LRR1: variants seen among roughly 807,000 people sequenced by gnomAD.
LRR1 encodes the protein leucine-rich repeat protein 1.
A neutral mutation model predicts 31.6 loss-of-function variants in LRR1; 29 were observed. The observed-to-expected ratio is 0.92, with a 90% CI of 0.68 to 1.25. The LOEUF is 1.25. Ranked by LOEUF, LRR1 falls within the 50% of genes most tolerant of loss-of-function variation. The pLI is 0.00. For missense variants in LRR1, 485 were observed against 487.2 expected, an observed-to-expected ratio of 1.00 and a Z score of 0.04; for synonymous variants, 179 against 181.4, an observed-to-expected ratio of 0.99 and a Z score of 0.10.
intron 1 of LRR1, among the ~76,000 whole-genome samples, chr14:49,602,063 G>C (rs1237119373): frequency 1.3e-5 from 2 of 151,190 alleles, no homozygotes; most frequent in Non-Finnish European, 2.9e-5. Context: ...AACCTGGGAA[G>C]TGGAGGTTGC....
intron 2 of LRR1, among the ~76,000 whole-genome samples, chr14:49,604,516 A>G (rs1473188522): frequency 6.6e-6 from 1 of 151,994 alleles, no homozygotes; most frequent in African/African-American, 2.4e-5. Context: ...CCTGGGTGAC[A>G]TGGTGAAACC....
intron 3 of LRR1, among the ~76,000 whole-genome samples, chr14:49,612,946 T>C (rs893801046): frequency 6.6e-6 from 1 of 152,134 alleles, no homozygotes; most frequent in Non-Finnish European, 1.5e-5. Flanking sequence ...TTGCCTGTAA[T>C]CTCAGCACTT....
rs772504345 is a variant in LRR1 at position 49,608,031 on chromosome 14, C to T, written c.914C>T (p.Thr305Ile). Residue 305 changes from threonine to isoleucine, a missense_variant, in exon 3 of 4, where the codon ACT becomes ATT. Physicochemically the swap from Thr to Ile is moderately conservative, Grantham distance 89. Transcript: ENST00000298288. ...SLEYLDLFGN[T>I]FEQPKVLPVI... ...GAATACTTGGATCTTTTTGGAAATACTTTTGAACAACCAAAAGTCCTTCCA... is the reference window on the plus strand; with the variant it reads ...GAATACTTGGATCTTTTTGGAAATATTTTTGAACAACCAAAAGTCCTTCCA... 1.9e-6 allele frequency: 3 copies of T among 1,613,122 alleles called. No homozygotes were observed. The highest frequency in any genetic ancestry group is 2.5e-6 in the Non-Finnish European group (3 of 1,179,750).
At chr14:49,603,510 CT>C (rs1566492772) in intron 2 of LRR1, 1 of 320,920 alleles carries the variant, frequency 3.1e-6, no homozygotes. Context: ...TGTAATCATT[CT>C]TTCTTCTTCT....
intron 2 of LRR1, among the ~76,000 whole-genome samples, chr14:49,605,551 T>C (rs1882248819): frequency 6.6e-6 from 1 of 152,244 alleles, no homozygotes; most frequent in Non-Finnish European, 1.5e-5. Flanking sequence ...TTTTGCACTC[T>C]GTAGAATTTG....
chr14:49,612,455 C>T, intron 3 of LRR1: 1 of 1,211,924 alleles, frequency 8.3e-7, no homozygotes, highest in African/African-American at 1.6e-5. Flanking sequence ...TAACTGTTGT[C>T]TGTTTCCTCA....
At chr14:49,599,997 G>T (rs1283318552) in intron 1 of LRR1, 1 of 1,604,702 alleles carries the variant, frequency 6.2e-7, no homozygotes, top group Non-Finnish European at 8.5e-7. Context: ...CAGCATCATG[G>T]CTCACGGGCC....
At chr14:49,602,562 A>G in intron 2 of LRR1, 94 bp downstream of exon 2, 4 of 1,051,950 alleles carry the variant, frequency 3.8e-6, no homozygotes, top group Non-Finnish European at 5.7e-6. Flanking sequence ...GCTGAAGTAC[A>G]GAGGCATAGT....
At chr14:49,602,249 G>A (rs71420142) in intron 1 of LRR1, 121 bp from the exon 2 acceptor site, 2 of 601,334 alleles carry the variant, frequency 3.3e-6, no homozygotes, top group East Asian at 8.3e-5. Context: ...AAAACACTCA[G>A]ACTCAAGGAC....
In LRR1 at chr14:49,612,482, C is replaced by T. The variant is rs1417399246; in HGVS notation, c.1005-1774C>T. On this transcript the variant is annotated intron_variant, in intron 3 of 3. Coordinates refer to ENST00000298288, the MANE Select transcript of LRR1 (RefSeq NM_152329.4). ...GTTTCCTCAATCTAGAACCATCTAT[C>T]CGAAAGAGATTAATGTAAACATGTG... 10 of 1,259,866 alleles carry T rather than the reference C, an allele frequency of 7.9e-6. No homozygotes were observed. The South Asian group carries it at 1.2e-4, about 15-fold the overall frequency. 78.0% of individuals were successfully genotyped at this position (1,259,866 alleles called of 1,614,324 possible). A position where few individuals can be genotyped will look rare whatever the true frequency, so the allele number is the denominator to read the frequency against.
intron 1 of LRR1, chr14:49,601,094 C>T: frequency 1.2e-6 from 2 of 1,611,390 alleles, no homozygotes; most frequent in East Asian, 2.2e-5. Context: ...CCAAAGGTCG[C>T]TCCAAGCGTA....
intron 2 of LRR1, among the ~76,000 whole-genome samples, chr14:49,605,206 T>A (rs773199257): frequency 2.0e-5 from 3 of 152,192 alleles, no homozygotes; most frequent in African/African-American, 7.2e-5. Flanking sequence ...AACTGTGCAT[T>A]ATTTTTAACT....
At chr14:49,607,207 C>T (rs908360653) in intron 2 of LRR1, among the ~76,000 whole-genome samples, 193 bp from the exon 3 acceptor site, 4 of 151,626 alleles carry the variant, frequency 2.6e-5, no homozygotes, top group African/African-American at 4.8e-5. Context: ...TGTCCCTCCA[C>T]GTAATTTTTT....
At chr14:49,602,080 G>A (rs1882079144) in intron 1 of LRR1, among the ~76,000 whole-genome samples, 1 of 150,550 alleles carries the variant, frequency 6.6e-6, no homozygotes, top group Non-Finnish European at 1.5e-5. Flanking sequence ...TTGCAGTGAT[G>A]GCACCACTTC....
chr14:49,614,518 AT>A lies in LRR1; in HGVS notation c.*25del. ...GTAATGGGTGAGACCAGAAAAAGAA[AT>A]TTCAATAACAGATCAGTTTGGGGTG... On this transcript the variant is annotated 3_prime_UTR_variant, in exon 4 of 4. Transcript: ENST00000298288. 1 of 1,612,882 alleles carries A rather than the reference AT, an allele frequency of 6.2e-7. No individual in the cohort carries two copies. The highest frequency in any genetic ancestry group is 8.5e-7 in the Non-Finnish European group (1 of 1,179,630).
chr14:49,599,427 T>G (rs571405277), intron 1 of LRR1, among the ~76,000 whole-genome samples: 18 of 152,284 alleles, frequency 1.2e-4, no homozygotes, highest in Admixed American at 4.6e-4. Context: ...TTTTCGCTAT[T>G]TTTCCTCCCC....
At chr14:49,601,574 T>C (rs982846141) in intron 1 of LRR1, 43 of 1,251,350 alleles carry the variant, frequency 3.4e-5, no homozygotes, top group Non-Finnish European at 4.4e-5. Flanking sequence ...GAGACAAGAT[T>C]CCTGCTCTCA....
intron 2 of LRR1, among the ~76,000 whole-genome samples, chr14:49,604,764 C>G (rs912445789): frequency 1.3e-5 from 2 of 152,060 alleles, no homozygotes; most frequent in East Asian, 3.9e-4. Context: ...AGAGCAAGAC[C>G]CTTTCTCAAA....
intron 2 of LRR1, among the ~76,000 whole-genome samples, chr14:49,604,005 T>A (rs909194160): frequency 6.7e-6 from 1 of 149,622 alleles, no homozygotes; most frequent in Non-Finnish European, 1.5e-5. Context: ...ATCATTCTTA[T>A]AAAAATATAA....
Sources: allele counts gnomAD v4.1 joint callset (sites outside exome capture counted in the v4.1 genomes callset), GRCh38; gene constraint gnomAD v4.1.1; transcripts MANE v1.5; gene names NCBI Gene and HGNC (gene_info 2026-07-23, HGNC 2026-07-21).